The following LY75 variants were observed in gnomAD, a reference collection of about 807,000 sequenced individuals.
LY75 encodes lymphocyte antigen 75, also known as C-type lectin domain family 13 member B.
A neutral mutation model predicts 231.7 loss-of-function variants in LY75; 185 were observed. The ratio of observed to expected loss-of-function variants is 0.80; its 90% CI spans 0.71 to 0.90. The LOEUF (loss-of-function observed/expected upper bound fraction) is 0.90, where lower values mean the gene tolerates loss of function less well. LY75 is among the 40% of genes least tolerant of loss of function. The pLI is 0.00. For missense variants in LY75, 1,947 were observed against 2,050.2 expected, an observed-to-expected ratio of 0.95 and a Z score of 0.97; for synonymous variants, 668 against 689.0, an observed-to-expected ratio of 0.97 and a Z score of 0.48.
At chr2:159,821,484 C>T (rs904091840) in intron 28 of LY75, among the ~76,000 whole-genome samples, 5 of 151,664 alleles carry the variant, frequency 3.3e-5, no homozygotes, top group South Asian at 2.1e-4. Flanking sequence ...GGCGTGGTGG[C>T]GGTTGTCTGT....
At chr2:159,808,762 A>G (rs1222762879) in intron 32 of LY75, among the ~76,000 whole-genome samples, 191 bp from the exon 33 acceptor site, 1 of 152,224 alleles carries the variant, frequency 6.6e-6, no homozygotes, top group Non-Finnish European at 1.5e-5. Flanking sequence ...AATTACTTCC[A>G]AACACGTATA....
intron 13 of LY75, 168 bp downstream of exon 13, chr2:159,872,283 A>C (rs1685037646): frequency 6.6e-6 from 5 of 756,120 alleles, no homozygotes; most frequent in Non-Finnish European, 1.0e-5. Context: ...TAGTGTCTGC[A>C]CATTAAGAGT....
At chr2:159,858,709 C>T (rs1336531282) in intron 15 of LY75, among the ~76,000 whole-genome samples, 1 of 152,158 alleles carries the variant, frequency 6.6e-6, no homozygotes, top group Non-Finnish European at 1.5e-5. Flanking sequence ...GTCCAAAATG[C>T]AAATTTTCTC....
chr2:159,840,730 T>C lies in LY75; in HGVS notation c.3506A>G (p.Asp1169Gly). ...TGGCAGTTGGGACTGAACACTTACA[T>C]CTTGACTGAAGAGTCCGATCCATAA... ...SSLWIGLFSQ[D>G]DELNFGWSDG... The change falls in exon 25 of 35, where the codon GAT (aspartate) becomes GGT (glycine). Residue 1169 changes from aspartate (D) to glycine (G), a missense_variant and splice_region_variant. By Grantham distance (94) the Asp-to-Gly change is moderately conservative. Coordinates refer to ENST00000263636, the MANE Select transcript of LY75 (RefSeq NM_002349.4). The C allele has an allele frequency of 6.2e-7, 1 of 1,613,998 alleles. No homozygotes were observed. Among genetic ancestry groups the C allele is most frequent in the Non-Finnish European group, 8.5e-7 (1 of 1,179,940 alleles).
rs761255372 is a variant in LY75, at chr2:159,855,003, C to T, written c.2384-64G>A. ...GACAGATCAGGGTATACTATAAGTA[C>T]GGCCTTTAATGTAGCTCGAAAGGAC... On this transcript the variant is annotated intron_variant, in intron 16 of 34. Transcript: ENST00000263636. 1.5e-5 allele frequency: 24 copies of T among 1,599,966 alleles called. 1 individual carries two copies. Among genetic ancestry groups the T allele is most frequent in the Middle Eastern group, 1.7e-4 (1 of 6,026 alleles).
intron 32 of LY75, among the ~76,000 whole-genome samples, chr2:159,809,174 A>G (rs1360084011): frequency 6.6e-6 from 1 of 152,240 alleles, no homozygotes; most frequent in Non-Finnish European, 1.5e-5. Context: ...ATCAGAATAA[A>G]TTAGATAAAT....
chr2:159,813,323 C>T (rs965213295), intron 31 of LY75, among the ~76,000 whole-genome samples: 2 of 143,010 alleles, frequency 1.4e-5, no homozygotes, highest in Non-Finnish European at 3.1e-5. Flanking sequence ...GCCTGTTATT[C>T]TCTGTTTTGT....
chr2:159,896,684 A>G (rs1262159214), intron 2 of LY75, among the ~76,000 whole-genome samples: 2 of 152,208 alleles, frequency 1.3e-5, no homozygotes, highest in African/African-American at 4.8e-5. Context: ...ATATACATAA[A>G]TTGAAAAGGG....
intron 23 of LY75, 33 bp from the exon 24 acceptor site, chr2:159,842,407 A>C (rs370645803): frequency 1.3e-6 from 2 of 1,591,054 alleles, no homozygotes; most frequent in Non-Finnish European, 1.7e-6. Flanking sequence ...ACATGCAATC[A>C]TGTAACAATG....
At chr2:159,869,099 T>G (rs923929020) in intron 13 of LY75, among the ~76,000 whole-genome samples, 4 of 151,986 alleles carry the variant, frequency 2.6e-5, no homozygotes, top group Admixed American at 2.6e-4. Context: ...AATTGAACAA[T>G]GAGAACACTT....
chr2:159,828,589 T>G (rs530510951), intron 28 of LY75, among the ~76,000 whole-genome samples: 11 of 152,266 alleles, frequency 7.2e-5, no homozygotes, highest in African/African-American at 2.6e-4. Context: ...TGGTAGTTCT[T>G]CAAAGGGTTA....
At chr2:159,825,450 A>T (rs1560068050) in intron 28 of LY75, among the ~76,000 whole-genome samples, 2 of 152,222 alleles carry the variant, frequency 1.3e-5, no homozygotes, top group South Asian at 4.1e-4. Flanking sequence ...AAGTTCTGAA[A>T]TTTAGGCAGT....
At chr2:159,812,619 C>T (rs1419644598) in intron 31 of LY75, among the ~76,000 whole-genome samples, 1 of 152,178 alleles carries the variant, frequency 6.6e-6, no homozygotes, top group Non-Finnish European at 1.5e-5. Flanking sequence ...TACTGTGTTG[C>T]CCAGGCTGGT....
At chr2:159,823,144 C>T (rs1164517224) in intron 28 of LY75, among the ~76,000 whole-genome samples, 1 of 152,118 alleles carries the variant, frequency 6.6e-6, no homozygotes, top group African/African-American at 2.4e-5. Context: ...TAATTACAAA[C>T]TGCTCCGAGC....
intron 28 of LY75, 27 bp downstream of exon 28, chr2:159,831,643 G>C (rs145182303): frequency 2.2e-5 from 35 of 1,605,220 alleles, no homozygotes; most frequent in Non-Finnish European, 2.9e-5. Context: ...AAAACAAATA[G>C]AGAAAGTTGG....
chr2:159,838,227 A>G (rs776335098), intron 25 of LY75, among the ~76,000 whole-genome samples: 5 of 152,202 alleles, frequency 3.3e-5, no homozygotes, highest in African/African-American at 7.2e-5. Flanking sequence ...ATTGCTTTCA[A>G]TGTAAAGTAT....
At chr2:159,826,664 GA>G (rs1172361909) in intron 28 of LY75, among the ~76,000 whole-genome samples, 4 of 152,046 alleles carry the variant, frequency 2.6e-5, no homozygotes, top group Non-Finnish European at 4.4e-5. Flanking sequence ...TCCTGGACAA[GA>G]AGAACAAAGA....
chr2:159,860,820 C>T lies in LY75; in HGVS notation c.2268+1G>A, dbSNP rs1406482828. ...TGCAGATTTTCCAGCATTGTACTGA[C>T]CTTGACAGCAGCACAGTCTCTGATG... On this transcript the variant is annotated splice_donor_variant, in intron 15 of 34. Transcript: ENST00000263636. LOFTEE classifies it high-confidence loss of function. 1.2e-6 allele frequency: 2 copies of T among 1,613,760 alleles called. No individual in the cohort carries two copies. The highest frequency in any genetic ancestry group is 1.7e-5 in the Admixed American group (1 of 59,990).
intron 32 of LY75, 47 bp from the exon 33 acceptor site, chr2:159,808,618 A>G: frequency 2.5e-6 from 4 of 1,605,062 alleles, no homozygotes; most frequent in Non-Finnish European, 3.4e-6. Context: ...GAAACTAGAG[A>G]AGTAGTTTAT....
Sources: gnomAD v4.1 joint callset for allele counts (sites outside exome capture counted in the v4.1 genomes callset) on GRCh38, gnomAD v4.1.1 for gene constraint, MANE v1.5 for transcripts, NCBI Gene and HGNC (gene_info 2026-07-23, HGNC 2026-07-21) for gene names.